Variants in SH2D4B observed in about 807,000 individuals in gnomAD.
SH2D4B encodes SH2 domain-containing protein 4B.
In SH2D4B, 45 loss-of-function variants were observed where a neutral mutation model predicts 61.5. The ratio of observed to expected loss-of-function variants is 0.73; its 90% CI spans 0.58 to 0.94. The LOEUF (loss-of-function observed/expected upper bound fraction) is 0.94, where lower values mean the gene tolerates loss of function less well. Among genes scored for constraint, SH2D4B ranks in the 40% least tolerant of loss-of-function variants. The pLI is 0.00. For missense variants in SH2D4B, 572 were observed against 574.2 expected (o/e 1.00, Z 0.04); for synonymous variants, 224 against 220.4 (o/e 1.02, Z -0.14).
intron 3 of SH2D4B, among the ~76,000 whole-genome samples, chr10:80,579,531 T>C (rs532698342): frequency 6.6e-6 from 1 of 152,216 alleles, no homozygotes; most frequent in East Asian, 1.9e-4. Context: ...AAACATCCTG[T>C]GCTCTTCTTC....
At chr10:80,643,140 A>C (rs1452813923) in intron 7 of SH2D4B, 1 of 152,106 alleles carries the variant, frequency 6.6e-6, no homozygotes, top group Non-Finnish European at 1.5e-5. Context: ...CAGCTGCTGA[A>C]TTGCTTTTTA....
chr10:80,640,579 T>C (rs980264656), intron 7 of SH2D4B, among the ~76,000 whole-genome samples: 1 of 152,252 alleles, frequency 6.6e-6, no homozygotes, highest in Non-Finnish European at 1.5e-5. Flanking sequence ...CTTGATCAAA[T>C]TGGCTATTGA....
rs1840381483 is a variant in SH2D4B at position 80,645,369 on chromosome 10, G to C, written c.*1284G>C. 6.6e-6 allele frequency: 1 copy of C among 152,170 alleles called. No individual in the cohort carries two copies. The highest frequency in any genetic ancestry group is 1.5e-5 in the Non-Finnish European group (1 of 68,044). 9.4% of individuals were successfully genotyped at this position (152,170 alleles called of 1,614,324 possible). ...CTGCTCTTCCTCCCTATGTTGATCA[G>C]TGTCATGTGAGCATAAGCCAATGGT... On this transcript the variant is annotated 3_prime_UTR_variant, in exon 8 of 8. Transcript: ENST00000646907.
intron 1 of SH2D4B, among the ~76,000 whole-genome samples, chr10:80,551,300 T>C (rs1002365176): frequency 4.6e-5 from 7 of 152,080 alleles, no homozygotes; most frequent in South Asian, 2.1e-4. Context: ...GTGATCTGCC[T>C]GCCTCGGCCT....
At chr10:80,636,139 A>G (rs184423491) in intron 7 of SH2D4B, among the ~76,000 whole-genome samples, 2 of 152,186 alleles carry the variant, frequency 1.3e-5, no homozygotes, top group African/African-American at 2.4e-5. Flanking sequence ...ATCCTTTTTT[A>G]TGGCTGCATA....
At chr10:80,599,663 G>A (rs540048019) in intron 4 of SH2D4B, among the ~76,000 whole-genome samples, 3 of 152,276 alleles carry the variant, frequency 2.0e-5, no homozygotes, top group Admixed American at 6.5e-5. Flanking sequence ...GTTGGCTGCC[G>A]ACCTCAGAAG....
intron 1 of SH2D4B, among the ~76,000 whole-genome samples, chr10:80,559,807 T>G (rs994309331): frequency 6.6e-6 from 1 of 151,370 alleles, no homozygotes; most frequent in Non-Finnish European, 1.5e-5. Flanking sequence ...CTGGCTAATT[T>G]TTTTACATTT....
intron 7 of SH2D4B, among the ~76,000 whole-genome samples, chr10:80,637,149 T>G (rs1211114237): frequency 6.6e-6 from 1 of 152,206 alleles, no homozygotes; most frequent in African/African-American, 2.4e-5. Context: ...TTGGTCTATA[T>G]CTCTGTTTTG....
chr10:80,586,256 T>C (rs7072467), intron 3 of SH2D4B, among the ~76,000 whole-genome samples: 40,804 of 152,002 alleles, frequency 0.27, 6,439 homozygotes, highest in African/African-American at 0.43. Context: ...CTGAGGAGTG[T>C]GGGCGCACGG....
At chr10:80,625,441 T>C (rs1842758655) in intron 6 of SH2D4B, among the ~76,000 whole-genome samples, 1 of 152,246 alleles carries the variant, frequency 6.6e-6, no homozygotes, top group Non-Finnish European at 1.5e-5. Context: ...TTAAATTATT[T>C]CTAGATGACT....
chr10:80,560,516 G>C (rs946533357), intron 1 of SH2D4B, among the ~76,000 whole-genome samples: 1 of 151,446 alleles, frequency 6.6e-6, no homozygotes. Context: ...CTTCCAAGTA[G>C]TTGGGACTAT....
chr10:80,541,991 T>A (rs1841586038), intron 1 of SH2D4B, among the ~76,000 whole-genome samples: 1 of 152,236 alleles, frequency 6.6e-6, no homozygotes, highest in Non-Finnish European at 1.5e-5. Flanking sequence ...TTCTATGCTG[T>A]GGTGGATGGT....
intron 6 of SH2D4B, among the ~76,000 whole-genome samples, chr10:80,617,645 A>G (rs1306862358): frequency 6.6e-6 from 1 of 152,320 alleles, no homozygotes. Context: ...ATTCAAACTG[A>G]TGTAACCTAA....
chr10:80,567,149 G>A (rs537015739), intron 1 of SH2D4B, among the ~76,000 whole-genome samples: 1 of 152,266 alleles, frequency 6.6e-6, no homozygotes, highest in Admixed American at 6.5e-5. Context: ...TTTATTTCCA[G>A]CTGGGTGGAC....
chr10:80,587,642 G>A (rs981519931), intron 3 of SH2D4B, among the ~76,000 whole-genome samples: 5 of 152,076 alleles, frequency 3.3e-5, no homozygotes, highest in African/African-American at 1.2e-4. Context: ...TTGTTACAAG[G>A]GTATATTGTG....
chr10:80,552,597 C>A (rs901333356), intron 1 of SH2D4B, among the ~76,000 whole-genome samples: 1 of 152,156 alleles, frequency 6.6e-6, no homozygotes, highest in Admixed American at 6.5e-5. Flanking sequence ...TCCCTGTAAC[C>A]CAATCCCAGC....
rs997253249 is a variant in SH2D4B at position 80,609,465 on chromosome 10, T to A, written c.902T>A (p.Val301Asp). 35 of 1,614,212 alleles carry A rather than the reference T, an allele frequency of 2.2e-5. No individual in the cohort carries two copies. In the African/African-American group the frequency reaches 4.4e-4, roughly 20 times the overall value. ...ERPLRPVSRD[V>D]IVRWFKEEQL... ...CCGCTGCGCCCAGTCTCCAGAGATG[T>A]CATCGTCCGCTGGTTTAAGGAGGAG... Residue 301 changes from valine to aspartate, a missense_variant, in exon 6 of 8, where the codon GTC becomes GAC. Transcript: ENST00000646907.
intron 3 of SH2D4B, among the ~76,000 whole-genome samples, chr10:80,586,055 A>G (rs1842243008): frequency 6.6e-6 from 1 of 152,156 alleles, no homozygotes; most frequent in Non-Finnish European, 1.5e-5. Flanking sequence ...GTCCCCCAGC[A>G]GTGCCGGCCC....
intron 6 of SH2D4B, among the ~76,000 whole-genome samples, chr10:80,616,243 G>A (rs570031886): frequency 2.0e-5 from 3 of 152,276 alleles, no homozygotes; most frequent in Non-Finnish European, 2.9e-5. Context: ...CATGGCAAGC[G>A]AGATTGCTAA....
Sources: gnomAD v4.1 joint callset for allele counts (sites outside exome capture counted in the v4.1 genomes callset) on GRCh38, gnomAD v4.1.1 for gene constraint, MANE v1.5 for transcripts, NCBI Gene and HGNC (gene_info 2026-07-23, HGNC 2026-07-21) for gene names.